CSMD1: variants seen among roughly 807,000 people sequenced by gnomAD.
The protein encoded by CSMD1 is CUB and sushi domain-containing protein 1.
CSMD1 carries 213 observed loss-of-function variants against 417.5 expected under a neutral mutation model. The observed-to-expected ratio is 0.51, with a 90% CI of 0.46 to 0.57. CSMD1 has a LOEUF of 0.57. CSMD1 is among the 20% of genes least tolerant of loss of function. The probability of loss-of-function intolerance (pLI) is 0.00; values close to 1 mark genes in which losing one functional copy is unlikely to be tolerated. For synonymous variants in CSMD1, 2,862 were observed against 1,736.8 expected (o/e 1.65, Z -16.11); for missense variants, 6,923 against 4,529.7 (o/e 1.53, Z -15.17).
intron 5 of CSMD1, among the ~76,000 whole-genome samples, chr8:3,760,493 C>A (rs1466862398): frequency 6.6e-6 from 1 of 152,194 alleles, no homozygotes; most frequent in Non-Finnish European, 1.5e-5. Context: ...CTATTTATAA[C>A]ATACTCCTAC....
chr8:4,712,017 G>A lies in CSMD1; in HGVS notation c.86-74459C>T, dbSNP rs181727849. Among the ~76,000 whole-genome samples the A allele has an allele frequency of 1.1e-4, 16 of 152,150 alleles. No individual in the cohort carries two copies. The East Asian group carries it at 2.9e-3, about 28-fold the overall frequency. ...ATATGTGGCTTCCTAAGAGTCTACA[G>A]AGAAAATCTAGAAGAGATTTTCTCA... On this transcript the variant is annotated intron_variant, in intron 1 of 69. Coordinates refer to ENST00000635120, the MANE Select transcript of CSMD1 (RefSeq NM_033225.6).
At chr8:3,363,536 T>C (rs1017242819) in intron 20 of CSMD1, among the ~76,000 whole-genome samples, 4 of 150,012 alleles carry the variant, frequency 2.7e-5, no homozygotes, top group Non-Finnish European at 4.5e-5. Context: ...TATTTATTTA[T>C]TATTTTTTTG....
At chr8:3,817,834 A>T (rs970123382) in intron 5 of CSMD1, among the ~76,000 whole-genome samples, 1 of 152,118 alleles carries the variant, frequency 6.6e-6, no homozygotes, top group Non-Finnish European at 1.5e-5. Context: ...CACCAAGTCC[A>T]GCTTTCCCAG....
chr8:2,992,266 A>C (rs1292613146), intron 54 of CSMD1, among the ~76,000 whole-genome samples: 1 of 152,056 alleles, frequency 6.6e-6, no homozygotes, highest in East Asian at 1.9e-4. Flanking sequence ...GGAGTAGGGA[A>C]ATGGGGACTG....
intron 1 of CSMD1, among the ~76,000 whole-genome samples, chr8:4,744,700 G>A (rs978011689): frequency 1.3e-5 from 2 of 152,092 alleles, no homozygotes; most frequent in African/African-American, 2.4e-5. Context: ...TTTACATAAT[G>A]CTTTTCTCAG....
At chr8:3,151,979 C>G (rs192807517) in intron 39 of CSMD1, among the ~76,000 whole-genome samples, 9 of 152,168 alleles carry the variant, frequency 5.9e-5, no homozygotes, top group African/African-American at 2.2e-4. Context: ...CATGAAGAAA[C>G]CAAGCCTGGA....
At chr8:3,414,754 C>A (rs1455385245) in intron 12 of CSMD1, among the ~76,000 whole-genome samples, 1 of 152,140 alleles carries the variant, frequency 6.6e-6, no homozygotes, top group African/African-American at 2.4e-5. Context: ...GCTACAATTT[C>A]TTTTAGTGCC....
At chr8:3,973,428 A>C (rs1055253117) in intron 5 of CSMD1, among the ~76,000 whole-genome samples, 5 of 152,242 alleles carry the variant, frequency 3.3e-5, no homozygotes, top group Non-Finnish European at 7.3e-5. Flanking sequence ...AAGTTTATGC[A>C]AATTATAAAA....
At chr8:4,945,978 G>T (rs1446601457) in intron 1 of CSMD1, among the ~76,000 whole-genome samples, 7 of 152,190 alleles carry the variant, frequency 4.6e-5, no homozygotes, top group African/African-American at 1.4e-4. Context: ...AGAGGCTCCA[G>T]AAGACACGGT....
chr8:4,407,711 G>C (rs559123316), intron 3 of CSMD1, among the ~76,000 whole-genome samples: 1 of 152,118 alleles, frequency 6.6e-6, no homozygotes, highest in East Asian at 1.9e-4. Context: ...TTCATAAATA[G>C]CTGTAGTTTT....
At chr8:4,433,668 C>T (rs1797994330) in intron 2 of CSMD1, among the ~76,000 whole-genome samples, 1 of 152,176 alleles carries the variant, frequency 6.6e-6, no homozygotes, top group Non-Finnish European at 1.5e-5. Flanking sequence ...GAGCTACACT[C>T]TCCCACTTGC....
chr8:2,997,051 A>G (rs1210409189), intron 54 of CSMD1, among the ~76,000 whole-genome samples: 2 of 152,184 alleles, frequency 1.3e-5, no homozygotes, highest in African/African-American at 4.8e-5. Context: ...CGGCGGAGGC[A>G]GGGGCACTGG....
chr8:3,002,056 G>A (rs999691946), intron 52 of CSMD1, among the ~76,000 whole-genome samples: 2 of 152,170 alleles, frequency 1.3e-5, no homozygotes, highest in Non-Finnish European at 2.9e-5. Flanking sequence ...GAAGAGATTA[G>A]ACCACAAAAA....
intron 3 of CSMD1, among the ~76,000 whole-genome samples, chr8:4,283,656 C>A (rs963344215): frequency 2.6e-5 from 4 of 152,162 alleles, no homozygotes; most frequent in African/African-American, 9.7e-5. Flanking sequence ...CAAAACCCAA[C>A]AGACACACCT....
intron 3 of CSMD1, among the ~76,000 whole-genome samples, chr8:4,104,917 G>T: frequency 6.6e-6 from 1 of 152,026 alleles, no homozygotes; most frequent in East Asian, 1.9e-4. Context: ...CTGTGAGTGA[G>T]AATTACACAA....
At chr8:3,088,245 T>G (rs1380641557) in intron 48 of CSMD1, among the ~76,000 whole-genome samples, 1 of 152,212 alleles carries the variant, frequency 6.6e-6, no homozygotes, top group Non-Finnish European at 1.5e-5. Flanking sequence ...ACAAAGAAAC[T>G]TGCTTCATCT....
intron 27 of CSMD1, among the ~76,000 whole-genome samples, chr8:3,229,199 C>G (rs1006615433): frequency 6.6e-6 from 1 of 152,160 alleles, no homozygotes; most frequent in Non-Finnish European, 1.5e-5. Context: ...ATGGCCTATC[C>G]ATTTCATGAT....
chr8:4,627,798 T>A (rs1802206425), intron 2 of CSMD1, among the ~76,000 whole-genome samples: 1 of 152,064 alleles, frequency 6.6e-6, no homozygotes, highest in Admixed American at 6.6e-5. Context: ...TAGGCAGACA[T>A]ATGAATAGTA....
chr8:4,295,525 A>G (rs1250255385), intron 3 of CSMD1, among the ~76,000 whole-genome samples: 2 of 144,614 alleles, frequency 1.4e-5, no homozygotes, highest in African/African-American at 5.0e-5. Flanking sequence ...TCTTATATAT[A>G]TTACATATAT....
Sources: allele counts gnomAD v4.1 joint callset (sites outside exome capture counted in the v4.1 genomes callset), GRCh38; gene constraint gnomAD v4.1.1; transcripts MANE v1.5; gene names NCBI Gene and HGNC (gene_info 2026-07-23, HGNC 2026-07-21).